The following KRT9 variants were observed in gnomAD, a reference collection of about 807,000 sequenced individuals.
KRT9 encodes the protein keratin, type I cytoskeletal 9.
In KRT9, 34 loss-of-function variants were observed where a neutral mutation model predicts 51.4. The observed-to-expected ratio is 0.66, with a 90% CI of 0.50 to 0.88. The LOEUF is 0.88. KRT9 is among the 40% of genes least tolerant of loss of function. The pLI, the probability that KRT9 is intolerant of heterozygous loss-of-function variation, is 0.00. For missense variants in KRT9, 753 were observed against 790.3 expected (o/e 0.95, Z 0.57); for synonymous variants, 292 against 289.7 (o/e 1.01, Z -0.08).
At position 41,565,956 on chromosome 17, in the gene KRT9, G is replaced by A. The variant is rs1167484384; in HGVS notation, c.*237C>T. ...CCCTGAAGGCATCAAAGCCAAGCAG[G>A]GTTGGAAGCCAATGGAAAGCCAGAG... is the stretch of plus-strand genomic sequence containing the variant. On this transcript the variant is annotated 3_prime_UTR_variant, in exon 8 of 8. Coordinates refer to ENST00000246662, the MANE Select transcript of KRT9 (RefSeq NM_000226.4). 1 of 152,474 alleles carries A rather than the reference G, an allele frequency of 6.6e-6. No individual in the cohort carries two copies. The highest frequency in any genetic ancestry group is 6.5e-5 in the Admixed American group (1 of 15,290). The allele number at this position is 152,474 out of a possible 1,614,324, so 9.4% of individuals were successfully genotyped here. A position where few individuals can be genotyped will look rare whatever the true frequency, so the allele number is the denominator to read the frequency against.
Position 41,568,302 on chromosome 17 carries a change from G to C in KRT9, c.1254C>G (p.Asn418Lys), listed in dbSNP as rs747943954. The change falls in exon 6 of 8, where the codon AAC (asparagine) becomes AAG (lysine). Residue 418 changes from asparagine to lysine, a missense_variant. Transcript: ENST00000246662. ...QLQMIQEQIS[N>K]LEAQITDVRQ... ...GGACGTCAGTGATCTGGGCCTCCAA[G>C]TTACTGATCTGCTCCTGGATCATCT... 10 of 1,614,190 alleles carry C rather than the reference G, an allele frequency of 6.2e-6. No individual in the cohort carries two copies. In the East Asian group the frequency reaches 2.2e-4, roughly 36 times the overall value.
At position 41,567,641 on chromosome 17, in the gene KRT9, T is replaced by TACC. The variant is rs1906920620; in HGVS notation, c.1503_1504insGGT (p.Gly501dup). On this transcript the variant is annotated inframe_insertion, in exon 7 of 8. Coordinates refer to ENST00000246662, the MANE Select transcript of KRT9 (RefSeq NM_000226.4). ...CTTCCTCCACCATAGCCACCTCCACTTCCTCCTCCACCATAGCTGCCTCCA... is the reference window on the plus strand; with the variant it reads ...CTTCCTCCACCATAGCCACCTCCACTACCTCCTCCTCCACCATAGCTGCCTCCA... 1 of 1,590,046 alleles carries TACC rather than the reference T, an allele frequency of 6.3e-7. No individual in the cohort carries two copies. The highest frequency in any genetic ancestry group is 1.8e-5 in the Admixed American group (1 of 55,792).
intron 2 of KRT9, 49 bp from the exon 3 acceptor site, chr17:41,570,064 A>AGGG: frequency 6.2e-7 from 1 of 1,611,814 alleles, no homozygotes; most frequent in Non-Finnish European, 8.5e-7. Context: ...ACCAGGCCCT[A>AGGG]CCAGGACCTC....
At position 41,567,751 on chromosome 17, in the gene KRT9, C is replaced by T; in HGVS notation, c.1395-1G>A. The T allele has an allele frequency of 1.2e-6, 2 of 1,614,210 alleles. No individual in the cohort carries two copies. The highest frequency in any genetic ancestry group is 1.1e-5 in the South Asian group (1 of 91,090). On this transcript the variant is annotated splice_acceptor_variant, in intron 6 of 7. Transcript: ENST00000246662. LOFTEE classifies it high-confidence loss of function. ...AATTTTTCCAGCTCCGGAGGATTCA[C>T]TAAGAAAGAAAGAAAACAAGAGAGT...
chr17:41,571,993 GAC>G lies in KRT9; in HGVS notation c.-3_-2del. On this transcript the variant is annotated 5_prime_UTR_variant, in exon 1 of 8. Coordinates refer to ENST00000246662, the MANE Select transcript of KRT9 (RefSeq NM_000226.4). ...ACGAGGAGAACTGTCTGCAGCTCAT[GAC>G]ACAGCTGGTAGCTCACGGGTTGAGA... is the stretch of plus-strand genomic sequence containing the variant. 1.9e-6 allele frequency: 3 copies of G among 1,576,062 alleles called. No homozygotes were observed. Among genetic ancestry groups the G allele is most frequent in the Non-Finnish European group, 2.6e-6 (3 of 1,163,592 alleles).
chr17:41,567,188 G>C (rs1456310362), intron 7 of KRT9, 45 bp downstream of exon 7: 3 of 1,593,042 alleles, frequency 1.9e-6, no homozygotes, highest in Non-Finnish European at 2.6e-6. Flanking sequence ...AAAAAAAAAG[G>C]TGAGACCTTG....
chr17:41,569,610 G>A (rs1907006032), intron 3 of KRT9, 23 bp from the exon 4 acceptor site: 1 of 1,612,882 alleles, frequency 6.2e-7, no homozygotes, highest in Non-Finnish European at 8.5e-7. Context: ...AAGGGGAGAT[G>A]AGGTCACGGA....
intron 3 of KRT9, 60 bp downstream of exon 3, chr17:41,569,799 G>T (rs925853712): frequency 6.3e-7 from 1 of 1,599,332 alleles, no homozygotes; most frequent in Non-Finnish European, 8.6e-7. Context: ...AAGCTCCCCT[G>T]CTGTCTCTGC....
At chr17:41,568,911 TACACACACACACACAC>T (rs5820419) in intron 4 of KRT9, among the ~76,000 whole-genome samples, 13 of 133,744 alleles carry the variant, frequency 9.7e-5, no homozygotes, top group South Asian at 2.7e-4. Flanking sequence ...CTTTCAAACA[TACACACACACACACAC>T]ACACACACAC....
intron 4 of KRT9, 152 bp from the exon 5 acceptor site, chr17:41,568,785 T>C (rs554916316): frequency 9.8e-7 from 1 of 1,019,952 alleles, no homozygotes; most frequent in South Asian, 1.3e-5. Context: ...CCTCCAGCCA[T>C]GGAGGGTTGT....
In KRT9 at chr17:41,569,999, T is replaced by C; in HGVS notation, c.742A>G (p.Asn248Asp). 6.2e-7 allele frequency: 1 copy of C among 1,614,058 alleles called. No individual in the cohort carries two copies. Among genetic ancestry groups the C allele is most frequent in the Non-Finnish European group, 8.5e-7 (1 of 1,180,006 alleles). ...TCAGCATCCACTCCTTGCCGCAGGT[T>C]TTGCTCCATCTCAAACCTGCAGACC... Reference protein sequence around the residue: ...DFRIKFEMEQNLRQGVDADIN... With the variant: ...DFRIKFEMEQDLRQGVDADIN... The change falls in exon 3 of 8, where the codon AAC (asparagine) becomes GAC (aspartate). Residue 248 changes from asparagine (N) to aspartate (D), a missense_variant. By Grantham distance (23) the Asn-to-Asp change is conservative. Transcript: ENST00000246662.
chr17:41,567,130 A>C, intron 7 of KRT9, 103 bp downstream of exon 7: 1 of 1,549,108 alleles, frequency 6.5e-7, no homozygotes, highest in Non-Finnish European at 8.7e-7. Flanking sequence ...CCTAACATCT[A>C]GCTCTATTCA....
chr17:41,567,511 C>T lies in KRT9; in HGVS notation c.1634G>A (p.Gly545Glu), dbSNP rs373214503. ...TCCTCCACTATGACCACCTCCACTT[C>T]CTCCGCTATGGCCACCTCCACTTCC... ...GGGSGGGHSG[G>E]SGGGHSGGSG... The change falls in exon 7 of 8, where the codon GGA (glycine) becomes GAA (glutamate). Residue 545 changes from glycine to glutamate, a missense_variant. By Grantham distance (98) the Gly-to-Glu change is moderately conservative. This residue lies in a region of KRT9 where 507 missense variants were observed against 563.7 expected (regional missense o/e 0.90). Transcript: ENST00000246662. 4.1e-5 allele frequency: 64 copies of T among 1,551,332 alleles called. No homozygotes were observed. The African/African-American group carries it at 8.0e-4, about 19-fold the overall frequency.
chr17:41,569,557 C>T lies in KRT9; in HGVS notation c.913G>A (p.Gly305Arg). ...ACGTTTATCTCCACATTGACATCTC[C>T]ACTGTTCTGCCCAGTCAGCTGACTC... ...EMSQLTGQNS[G>R]DVNVEINVAP... The change falls in exon 4 of 8, where the codon GGA becomes AGA. Residue 305 changes from glycine (G) to arginine (R), a missense_variant. By Grantham distance (125) the Gly-to-Arg change is moderately radical. Coordinates refer to ENST00000246662, the MANE Select transcript of KRT9 (RefSeq NM_000226.4). 6.2e-7 allele frequency: 1 copy of T among 1,613,992 alleles called. No individual in the cohort carries two copies. Among genetic ancestry groups the T allele is most frequent in the Non-Finnish European group, 8.5e-7 (1 of 1,180,026 alleles).
intron 1 of KRT9, among the ~76,000 whole-genome samples, chr17:41,570,801 C>T (rs1010593): frequency 0.56 from 85,566 of 151,946 alleles, 25,006 homozygotes; most frequent in East Asian, 0.95. Flanking sequence ...CAGAGCAACC[C>T]TGAGGGTAGG....
chr17:41,570,117 G>A lies in KRT9; in HGVS notation c.725+21C>T, dbSNP rs779564484. The A allele has an allele frequency of 3.1e-6, 5 of 1,613,010 alleles. No individual in the cohort carries two copies. The South Asian group carries it at 5.5e-5, about 18-fold the overall frequency. The stretch of plus-strand genomic sequence containing the variant: ...GGGGTAAGGGCTGATGACAGGAGAG[G>A]AGAAGAGGAGCAGGACTCACTTTAT... On this transcript the variant is annotated intron_variant, in intron 2 of 7. Coordinates refer to ENST00000246662, the MANE Select transcript of KRT9 (RefSeq NM_000226.4).
In KRT9 at chr17:41,570,238, C is replaced by T; in HGVS notation, c.643-18G>A. On this transcript the variant is annotated intron_variant, in intron 1 of 7. Coordinates refer to ENST00000246662, the MANE Select transcript of KRT9 (RefSeq NM_000226.4). ...TCCACAATCTGAAAAAAAAAGGACA[C>T]AGCCATGATATCATGCTGTGGACCA... 1 of 1,607,808 alleles carries T rather than the reference C, an allele frequency of 6.2e-7. No individual in the cohort carries two copies. The highest frequency in any genetic ancestry group is 8.5e-7 in the Non-Finnish European group (1 of 1,174,332).
rs1907077808 is a variant in KRT9 at position 41,571,530 on chromosome 17, T to C, written c.463A>G (p.Ser155Gly). The C allele has an allele frequency of 4.3e-6, 7 of 1,613,678 alleles. No homozygotes were observed. Among genetic ancestry groups the C allele is most frequent in the East Asian group, 2.2e-5 (1 of 44,856 alleles). The change falls in exon 1 of 8, where the codon AGC (serine) becomes GGC (glycine). Residue 155 changes from serine to glycine, a missense_variant. By Grantham distance (56) the Ser-to-Gly change is moderately conservative. Around this residue, in one of 3 missense-constraint regions of KRT9, gnomAD observed 241 missense variants for 210.3 expected, o/e 1.15. Coordinates refer to ENST00000246662, the MANE Select transcript of KRT9 (RefSeq NM_000226.4). ...DGGILTANEK[S>G]TMQELNSRLA... The stretch of plus-strand genomic sequence containing the variant: ...CGAGAATTGAGTTCCTGCATGGTGC[T>C]CTTCTCATTAGCAGTCAGAATACCA...
intron 1 of KRT9, 29 bp downstream of exon 1, chr17:41,571,322 C>A: frequency 1.9e-6 from 3 of 1,590,104 alleles, no homozygotes; most frequent in Non-Finnish European, 1.7e-6. Flanking sequence ...GAGAAAGAGA[C>A]CAAGACAGAG....
Sources: gnomAD v4.1 joint callset for allele counts (sites outside exome capture counted in the v4.1 genomes callset) on GRCh38, gnomAD v4.1.1 for gene constraint, gnomAD v4.1.1 regional missense constraint, MANE v1.5 for transcripts, NCBI Gene and HGNC (gene_info 2026-07-23, HGNC 2026-07-21) for gene names.